Variants in RANBP2 observed in about 807,000 individuals in gnomAD.
RANBP2 encodes the protein RAN binding protein 2.
A neutral mutation model predicts 303.6 loss-of-function variants in RANBP2; 57 were observed. That is an observed-to-expected ratio of 0.19 (90% CI 0.15 to 0.23). The LOEUF (loss-of-function observed/expected upper bound fraction) is 0.23. RANBP2 is among the 10% of genes least tolerant of loss of function. The pLI, the probability that RANBP2 is intolerant of heterozygous loss-of-function variation, is 1.00. For missense variants in RANBP2, 3,138 were observed against 3,780.8 expected (o/e 0.83, Z 4.46); for synonymous variants, 1,167 against 1,301.5 (o/e 0.90, Z 2.23).
the RANBP2 span, among the ~76,000 whole-genome samples, chr2:108,879,352 A>C: frequency 1.3e-5 from 2 of 152,226 alleles, no homozygotes; most frequent in Admixed American, 6.5e-5. Context: ...GATTGTTTTA[A>C]AATTTCAACA....
the RANBP2 span, among the ~76,000 whole-genome samples, chr2:109,172,371 G>A: frequency 2.0e-5 from 3 of 152,226 alleles, no homozygotes; most frequent in Non-Finnish European, 4.4e-5. Context: ...CATGCACGGA[G>A]CTCAGCCGTC....
rs371439638 is a variant in RANBP2, at chr2:108,719,535, C to T, written c.-72C>T. The T allele has an allele frequency of 1.2e-5, 18 of 1,556,350 alleles. No individual in the cohort carries two copies. The highest frequency in any genetic ancestry group is 4.1e-5 in the African/African-American group (3 of 73,784). On this transcript the variant is annotated 5_prime_UTR_variant, in exon 1 of 29. Coordinates refer to ENST00000283195, the MANE Select transcript of RANBP2 (RefSeq NM_006267.5). ...GCGTCACTGGTTTGCAGGCGCTTTC[C>T]TCTTGGAAGTGGCGACTGCTGCGGG...
the RANBP2 span, chr2:109,490,759 C>T: frequency 6.5e-7 from 1 of 1,536,530 alleles, no homozygotes; most frequent in African/African-American, 1.4e-5. Flanking sequence ...TCCTCACTGT[C>T]CATCCACGGC....
At chr2:109,093,479 G>A in the RANBP2 span, among the ~76,000 whole-genome samples, 1 of 150,332 alleles carries the variant, frequency 6.7e-6, no homozygotes, top group African/African-American at 2.4e-5. Context: ...ATCACTTTGA[G>A]ACACCTTATG....
the RANBP2 span, among the ~76,000 whole-genome samples, chr2:108,864,772 C>T: frequency 4.3e-5 from 6 of 141,130 alleles, no homozygotes; most frequent in African/African-American, 1.3e-4. Flanking sequence ...CCAGCCTGGG[C>T]GACAGAGCGA....
chr2:109,666,165 A>G, the RANBP2 span, among the ~76,000 whole-genome samples: 1 of 152,118 alleles, frequency 6.6e-6, no homozygotes, highest in Non-Finnish European at 1.5e-5. Flanking sequence ...CAAAATAAAT[A>G]CATCTATTTC....
chr2:109,663,024 C>G, the RANBP2 span, among the ~76,000 whole-genome samples: 5 of 152,182 alleles, frequency 3.3e-5, no homozygotes, highest in Non-Finnish European at 5.9e-5. Context: ...ACCTGAGTTG[C>G]TTGGAACATC....
chr2:108,760,362 G>C (rs906108739), intron 18 of RANBP2, among the ~76,000 whole-genome samples: 1 of 152,018 alleles, frequency 6.6e-6, no homozygotes, highest in Non-Finnish European at 1.5e-5. Flanking sequence ...CTTTAGTTCT[G>C]AGCATTTTTA....
the RANBP2 span, chr2:109,490,970 C>T: frequency 7.0e-7 from 1 of 1,422,056 alleles, no homozygotes. Flanking sequence ...CTGTGGCATG[C>T]TGTGGTTTGG....
the RANBP2 span, chr2:109,449,541 T>G: frequency 6.3e-7 from 1 of 1,578,508 alleles, no homozygotes; most frequent in Non-Finnish European, 8.6e-7. Flanking sequence ...CTGCTTACTG[T>G]AACTTTTTGG....
At chr2:109,392,338 CTTG>C in the RANBP2 span, among the ~76,000 whole-genome samples, 25 of 152,284 alleles carry the variant, frequency 1.6e-4, no homozygotes, top group Admixed American at 6.5e-5. Flanking sequence ...AATGGTGCTG[CTTG>C]TTCACTGTGT....
the RANBP2 span, among the ~76,000 whole-genome samples, chr2:109,453,666 G>A: frequency 6.6e-6 from 1 of 152,210 alleles, no homozygotes; most frequent in South Asian, 2.1e-4. Flanking sequence ...CAGAGCGCAG[G>A]CACACGGTTC....
chr2:109,488,904 G>A, the RANBP2 span, among the ~76,000 whole-genome samples: 3 of 152,354 alleles, frequency 2.0e-5, no homozygotes, highest in East Asian at 1.9e-4. Flanking sequence ...GCCCAGTAGC[G>A]GAGTCAGGTA....
the RANBP2 span, chr2:109,371,690 G>A: frequency 3.0e-5 from 49 of 1,611,940 alleles, no homozygotes; most frequent in South Asian, 3.6e-4. Context: ...AGGTAAGACC[G>A]TGCCGCCCTC....
At chr2:109,670,560 T>G in the RANBP2 span, among the ~76,000 whole-genome samples, 1 of 152,002 alleles carries the variant, frequency 6.6e-6, no homozygotes, top group East Asian at 1.9e-4. Flanking sequence ...GAGGCAGCAG[T>G]GACAGCAGTG....
chr2:109,402,722 A>G, the RANBP2 span, among the ~76,000 whole-genome samples: 1 of 152,158 alleles, frequency 6.6e-6, no homozygotes, highest in Admixed American at 6.5e-5. Flanking sequence ...CAGGATGGTG[A>G]AGTGTACAAG....
At chr2:109,201,230 T>A in the RANBP2 span, among the ~76,000 whole-genome samples, 1 of 152,254 alleles carries the variant, frequency 6.6e-6, no homozygotes, top group Non-Finnish European at 1.5e-5. Flanking sequence ...CTTCTGCACT[T>A]AAAAACTCAT....
At chr2:109,233,096 G>A in the RANBP2 span, among the ~76,000 whole-genome samples, 1 of 152,200 alleles carries the variant, frequency 6.6e-6, no homozygotes, top group Non-Finnish European at 1.5e-5. Context: ...CAGCAGTGGC[G>A]AGGGGTGTGT....
At chr2:109,129,825 C>G in the RANBP2 span, 5 of 1,537,198 alleles carry the variant, frequency 3.3e-6, no homozygotes, top group East Asian at 2.5e-5. Flanking sequence ...TGCGCTGCCC[C>G]GAGTGCCGCA....
Sources: allele counts gnomAD v4.1 joint callset (sites outside exome capture counted in the v4.1 genomes callset), GRCh38; gene constraint gnomAD v4.1.1; transcripts MANE v1.5; gene names NCBI Gene and HGNC (gene_info 2026-07-23, HGNC 2026-07-21).